Variants in ACER3 observed in about 807,000 individuals in gnomAD.
The protein encoded by ACER3 is alkaline ceramidase 3, also known as alkCDase 3.
A neutral mutation model predicts 48.9 loss-of-function variants in ACER3; 16 were observed. The observed-to-expected ratio is 0.33, with a 90% CI of 0.22 to 0.50. The LOEUF is 0.50. Ranked by LOEUF, ACER3 falls within the 20% of genes least tolerant of loss-of-function variation. ACER3 has a pLI of 0.98. For missense variants in ACER3, 227 were observed against 326.0 expected (o/e 0.70, Z 2.34); for synonymous variants, 109 against 107.8 (o/e 1.01, Z -0.07).
intron 2 of ACER3, among the ~76,000 whole-genome samples, chr11:76,936,717 CTTTCTTTTTTTTTTTT>C (rs1947195599): frequency 8.5e-6 from 1 of 117,944 alleles, no homozygotes; most frequent in Admixed American, 8.5e-5. Context: ...TTCTTTCTTT[CTTTCTTTTTTTTTTTT>C]TTAAGACAGA....
intron 6 of ACER3, among the ~76,000 whole-genome samples, chr11:76,992,999 G>A (rs1337898712): frequency 6.6e-6 from 1 of 151,960 alleles, no homozygotes; most frequent in African/African-American, 2.4e-5. Context: ...CTCCCAAGTA[G>A]CTGGGATTAC....
intron 8 of ACER3, among the ~76,000 whole-genome samples, chr11:77,015,803 C>T (rs1285590135): frequency 1.3e-5 from 2 of 152,034 alleles, no homozygotes; most frequent in Admixed American, 6.6e-5. Context: ...CTGGTCTCTT[C>T]GACAAATAAA....
intron 2 of ACER3, among the ~76,000 whole-genome samples, chr11:76,944,748 C>T (rs904494363): frequency 2.6e-5 from 4 of 152,108 alleles, no homozygotes; most frequent in African/African-American, 9.7e-5. Context: ...ATGTCTAACT[C>T]TCTTGCTTGA....
chr11:76,931,953 CTT>C (rs11300248), intron 2 of ACER3, among the ~76,000 whole-genome samples: 176 of 129,854 alleles, frequency 1.4e-3, no homozygotes, highest in Non-Finnish European at 1.5e-3. Flanking sequence ...TTTGGAGTTG[CTT>C]TTTTTTTTTT....
At chr11:76,890,742 AT>A (rs1372116244) in intron 1 of ACER3, among the ~76,000 whole-genome samples, 2 of 152,150 alleles carry the variant, frequency 1.3e-5, no homozygotes, top group Non-Finnish European at 2.9e-5. Context: ...TATGTGATAT[AT>A]TTTTTTCCCA....
At position 76,861,027 on chromosome 11, in the gene ACER3, G is replaced by A. The variant is rs1362201284; in HGVS notation, c.51G>A (p.Thr17=). Residue 17 remains threonine, a synonymous_variant, in exon 1 of 11, where the codon ACG becomes ACA. Coordinates refer to ENST00000532485, the MANE Select transcript of ACER3 (RefSeq NM_018367.7). ...REGYWGPTTS[T]LDWCEENYSV... ...GCTACTGGGGCCCCACGACCTCCAC[G>A]CTGGACTGGTGCGAGGAGAACTACT... 2.8e-5 allele frequency: 43 copies of A among 1,548,134 alleles called. No homozygotes were observed. Among genetic ancestry groups the A allele is most frequent in the Non-Finnish European group, 3.7e-5 (42 of 1,146,456 alleles).
intron 4 of ACER3, among the ~76,000 whole-genome samples, chr11:76,979,840 T>TAAAA (rs11373313): frequency 2.0e-5 from 3 of 150,004 alleles, no homozygotes; most frequent in Non-Finnish European, 3.0e-5. Context: ...AACATTTTAT[T>TAAAA]AAAAAAAAAA....
At chr11:76,971,024 C>G (rs1054233014) in intron 3 of ACER3, among the ~76,000 whole-genome samples, 1 of 152,158 alleles carries the variant, frequency 6.6e-6, no homozygotes, top group African/African-American at 2.4e-5. Context: ...ACACAGTTCA[C>G]CCATGCTGTA....
chr11:76,936,441 A>T (rs374063804), intron 2 of ACER3, among the ~76,000 whole-genome samples: 1 of 152,200 alleles, frequency 6.6e-6, no homozygotes, highest in Admixed American at 6.5e-5. Flanking sequence ...TCCAACTACT[A>T]GGAGAAAACG....
Position 76,963,106 on chromosome 11 carries a change from C to T in ACER3, c.267+4075C>T, listed in dbSNP as rs1221405860. Among the ~76,000 whole-genome samples the T allele has an allele frequency of 3.3e-5, 5 of 151,204 alleles. No individual in the cohort carries two copies. In the South Asian group the frequency reaches 6.2e-4, roughly 19 times the overall value. On this transcript the variant is annotated intron_variant, in intron 3 of 10. Coordinates refer to ENST00000532485, the MANE Select transcript of ACER3 (RefSeq NM_018367.7). ...GATAAGCAGGCAAGGCAGGAAAAGT[C>T]CAGCATAGAAGCCTTTTGCTCTTTG...
At chr11:76,934,705 ACGGGAGAGGGAGGGAGACCG>A (rs1947126566) in intron 2 of ACER3, among the ~76,000 whole-genome samples, 1 of 127,944 alleles carries the variant, frequency 7.8e-6, no homozygotes, top group African/African-American at 5.3e-5. Context: ...CCGTGGGGAG[ACGGGAGAGGGAGGGAGACCG>A]TGGAAAGAGA....
At position 76,998,839 on chromosome 11, in the gene ACER3, T is replaced by A; in HGVS notation, c.497+18T>A. ...GTTACATGGTAAGTAGTTTGGATCATCTGCACCATGACTGAAGTATATTCA... is the reference window on the plus strand; with the variant it reads ...GTTACATGGTAAGTAGTTTGGATCAACTGCACCATGACTGAAGTATATTCA... On this transcript the variant is annotated intron_variant, in intron 7 of 10. Transcript: ENST00000532485. The A allele has an allele frequency of 6.4e-6, 10 of 1,570,620 alleles. No homozygotes were observed. Among genetic ancestry groups the A allele is most frequent in the Non-Finnish European group, 8.6e-6 (10 of 1,156,932 alleles).
At chr11:76,968,053 A>C (rs1476124417) in intron 3 of ACER3, among the ~76,000 whole-genome samples, 2 of 152,232 alleles carry the variant, frequency 1.3e-5, no homozygotes, top group Non-Finnish European at 2.9e-5. Flanking sequence ...CCATCGTCTC[A>C]GCCCAAAATC....
At chr11:76,898,891 G>A (rs1946005141) in intron 1 of ACER3, among the ~76,000 whole-genome samples, 2 of 104,072 alleles carry the variant, frequency 1.9e-5, no homozygotes, top group Non-Finnish European at 3.5e-5. Context: ...GCGACAGAGC[G>A]AGACTCCGTC....
chr11:76,951,614 CCCTT>C (rs1228339282), intron 2 of ACER3, among the ~76,000 whole-genome samples: 1 of 152,276 alleles, frequency 6.6e-6, no homozygotes, highest in South Asian at 2.1e-4. Flanking sequence ...TTATTTCTCC[CCCTT>C]CCTTCTATTC....
chr11:76,974,165 G>C (rs1948378612), intron 3 of ACER3, among the ~76,000 whole-genome samples: 3 of 152,262 alleles, frequency 2.0e-5, no homozygotes, highest in African/African-American at 7.2e-5. Context: ...AGTATTCCAA[G>C]TTTGTTGTTC....
chr11:76,959,463 G>A (rs1230710761), intron 3 of ACER3, among the ~76,000 whole-genome samples: 1 of 152,170 alleles, frequency 6.6e-6, no homozygotes, highest in Non-Finnish European at 1.5e-5. Flanking sequence ...GGCCGCATGT[G>A]ACCCAGGATG....
In ACER3 at chr11:77,023,342, G is replaced by T. The variant is rs1299042636; in HGVS notation, c.*3015G>T. On this transcript the variant is annotated 3_prime_UTR_variant, in exon 11 of 11. Transcript: ENST00000532485. ...ATAAGGAGAAGAGGTGTGGTTCAAA[G>T]AAAATTAAGAGACAAAACCTTCAGG... 2.6e-6 allele frequency: 1 copy of T among 391,174 alleles called. No individual in the cohort carries two copies. The highest frequency in any genetic ancestry group is 4.5e-6 in the Non-Finnish European group (1 of 221,432). 24.2% of individuals were successfully genotyped at this position (391,174 alleles called of 1,614,324 possible).
chr11:76,958,813 T>G (rs1435058464), intron 2 of ACER3, 166 bp from the exon 3 acceptor site: 2 of 679,806 alleles, frequency 2.9e-6, no homozygotes, highest in Non-Finnish European at 4.9e-6. Context: ...ACACCAAAAT[T>G]TCACCAATTA....
Sources: gnomAD v4.1 joint callset for allele counts (sites outside exome capture counted in the v4.1 genomes callset) on GRCh38, gnomAD v4.1.1 for gene constraint, MANE v1.5 for transcripts, NCBI Gene and HGNC (gene_info 2026-07-23, HGNC 2026-07-21) for gene names.